Variants in HAPLN2 observed in about 807,000 individuals in gnomAD.
HAPLN2 encodes hyaluronan and proteoglycan link protein 2, also known as brain link protein-1.
Under a neutral mutation model 29.3 loss-of-function variants are expected in HAPLN2, and 27 were observed. That is an observed-to-expected ratio of 0.92 (90% CI 0.68 to 1.27). The LOEUF (loss-of-function observed/expected upper bound fraction) is 1.27, where lower values mean the gene tolerates loss of function less well. HAPLN2 is among the 50% of genes most tolerant of loss of function. HAPLN2 has a pLI of 0.00. For synonymous variants in HAPLN2, 208 were observed against 211.7 expected (o/e 0.98, Z 0.15); for missense variants, 454 against 484.3 (o/e 0.94, Z 0.59).
the HAPLN2 span, chr1:156,601,514 G>C: frequency 6.5e-7 from 1 of 1,542,060 alleles, no homozygotes; most frequent in African/African-American, 1.4e-5. Context: ...CGAAACCATA[G>C]AGACGTCCGC....
At chr1:156,604,304 C>CTT in the HAPLN2 span, among the ~76,000 whole-genome samples, 2 of 79,532 alleles carry the variant, frequency 2.5e-5, no homozygotes, top group African/African-American at 4.4e-5. Flanking sequence ...TTTTTTTTTT[C>CTT]TTTTTTTTTT....
intron 3 of HAPLN2, 77 bp from the exon 4 acceptor site, chr1:156,623,730 T>C: frequency 6.8e-7 from 1 of 1,481,420 alleles, no homozygotes; most frequent in Non-Finnish European, 9.0e-7. Flanking sequence ...GGAGAAAGCA[T>C]TTGGGGAGCA....
At chr1:156,604,919 C>CTTT in the HAPLN2 span, among the ~76,000 whole-genome samples, 1 of 139,730 alleles carries the variant, frequency 7.2e-6, no homozygotes, top group Admixed American at 7.1e-5. Context: ...TCCCAGCTGG[C>CTTT]TTTTTTTTTT....
chr1:156,621,869 A>AT (rs1557975036), intron 2 of HAPLN2, among the ~76,000 whole-genome samples: 1 of 150,802 alleles, frequency 6.6e-6, no homozygotes, highest in African/African-American at 2.4e-5. Flanking sequence ...TGATTAAAAA[A>AT]TTTTTTTTAC....
At position 156,625,157 on chromosome 1, in the gene HAPLN2, C is replaced by G; in HGVS notation, c.796C>G (p.Arg266Gly). The G allele has an allele frequency of 6.5e-7, 1 of 1,543,842 alleles. No individual in the cohort carries two copies. The highest frequency in any genetic ancestry group is 8.7e-7 in the Non-Finnish European group (1 of 1,146,736). The change falls in exon 7 of 7, where the codon CGG becomes GGG. Residue 266 changes from arginine to glycine, a missense_variant. By Grantham distance (125) the Arg-to-Gly change is moderately radical. Around this residue, in one of 3 missense-constraint regions of HAPLN2, gnomAD observed 235 missense variants for 236.9 expected, o/e 0.99. Transcript: ENST00000255039. The surrounding 1 kb of genome is among the most constrained non-coding windows in gnomAD (Gnocchi z 5.7). ...LTLSEAHAACRRRGAVVAKVG... is the reference protein window; with the variant it reads ...LTLSEAHAACGRRGAVVAKVG... ...GCTGTCTGAAGCCCACGCGGCGTGC[C>G]GGCGACGCGGCGCCGTGGTGGCCAA...
chr1:156,606,026 G>A, the HAPLN2 span, among the ~76,000 whole-genome samples: 1 of 152,170 alleles, frequency 6.6e-6, no homozygotes, highest in African/African-American at 2.4e-5. Context: ...GCTCACGCCT[G>A]TAATCCTAAC....
At position 156,625,161 on chromosome 1, in the gene HAPLN2, G is replaced by A; in HGVS notation, c.800G>A (p.Arg267Gln). 6.5e-7 allele frequency: 1 copy of A among 1,544,448 alleles called. No individual in the cohort carries two copies. Among genetic ancestry groups the A allele is most frequent in the Non-Finnish European group, 8.7e-7 (1 of 1,146,830 alleles). ...TCTGAAGCCCACGCGGCGTGCCGGC[G>A]ACGCGGCGCCGTGGTGGCCAAGGTT... ...TLSEAHAACR[R>Q]RGAVVAKVGH... Residue 267 changes from arginine to glutamine, a missense_variant, in exon 7 of 7, where the codon CGA becomes CAA. By Grantham distance (43) the Arg-to-Gln change is conservative. Around this residue, in one of 3 missense-constraint regions of HAPLN2, gnomAD observed 235 missense variants for 236.9 expected, o/e 0.99. Transcript: ENST00000255039. The surrounding 1 kb of genome is among the most constrained non-coding windows in gnomAD (Gnocchi z 5.7).
chr1:156,603,548 T>C, the HAPLN2 span, among the ~76,000 whole-genome samples: 1 of 152,246 alleles, frequency 6.6e-6, no homozygotes, highest in South Asian at 2.1e-4. Flanking sequence ...TATACAGGTA[T>C]ATATATGAAA....
chr1:156,606,784 A>G, the HAPLN2 span, among the ~76,000 whole-genome samples: 1 of 152,094 alleles, frequency 6.6e-6, no homozygotes, highest in South Asian at 2.1e-4. Flanking sequence ...CGCCCAGCCT[A>G]AGCCCCCTTC....
intron 2 of HAPLN2, among the ~76,000 whole-genome samples, chr1:156,621,594 C>T (rs1223341041): frequency 3.3e-5 from 5 of 151,640 alleles, no homozygotes; most frequent in Admixed American, 1.3e-4. Flanking sequence ...AAAATTAGCC[C>T]GGAGTGGTGG....
At chr1:156,604,056 C>T in the HAPLN2 span, among the ~76,000 whole-genome samples, 1 of 151,984 alleles carries the variant, frequency 6.6e-6, no homozygotes, top group African/African-American at 2.4e-5. Flanking sequence ...CTCATACCTC[C>T]TCACAAGGGT....
intron 2 of HAPLN2, among the ~76,000 whole-genome samples, chr1:156,620,542 T>C (rs1208840773): frequency 6.6e-6 from 1 of 152,236 alleles, no homozygotes; most frequent in Non-Finnish European, 1.5e-5. Context: ...TTCTTACTTA[T>C]CAAGTTCTCC....
At chr1:156,606,188 C>T in the HAPLN2 span, among the ~76,000 whole-genome samples, 4 of 151,934 alleles carry the variant, frequency 2.6e-5, no homozygotes, top group Admixed American at 6.6e-5. Flanking sequence ...CGCTTGAACC[C>T]GGGAGGCGGA....
chr1:156,618,521 T>C (rs1420386996), upstream of HAPLN2, among the ~76,000 whole-genome samples: 5 of 151,940 alleles, frequency 3.3e-5, no homozygotes, highest in African/African-American at 1.2e-4. Context: ...GGCTCACGCC[T>C]GTAATCCCAG....
At chr1:156,606,084 G>A in the HAPLN2 span, among the ~76,000 whole-genome samples, 1 of 152,138 alleles carries the variant, frequency 6.6e-6, no homozygotes, top group African/African-American at 2.4e-5. Context: ...AGGAGTTCGA[G>A]ACCAGCCTGG....
chr1:156,617,571 A>T (rs1678090551), upstream of HAPLN2, among the ~76,000 whole-genome samples: 1 of 149,718 alleles, frequency 6.7e-6, no homozygotes, highest in African/African-American at 2.5e-5. Flanking sequence ...CTGGTCTCGA[A>T]CTCCTGACCT....
chr1:156,624,632 G>C lies in HAPLN2; in HGVS notation c.588G>C (p.Ala196=), dbSNP rs1278422983. 1 of 1,612,610 alleles carries C rather than the reference G, an allele frequency of 6.2e-7. No homozygotes were observed. The highest frequency in any genetic ancestry group is 8.5e-7 in the Non-Finnish European group (1 of 1,179,630). The change falls in exon 6 of 7, where the codon GCG becomes GCC. Residue 196 remains alanine, a synonymous_variant. Coordinates refer to ENST00000255039, the MANE Select transcript of HAPLN2 (RefSeq NM_021817.3). ...CCGAGGGTCTGGACTGGTGTAACGC[G>C]GGCTGGCTGCTCGAGGGCTCCGTGC... The part of the protein sequence containing the change: ...AWTEGLDWCN[A]GWLLEGSVRY...
the HAPLN2 span, among the ~76,000 whole-genome samples, chr1:156,606,412 G>A: frequency 7.9e-6 from 1 of 126,518 alleles, no homozygotes; most frequent in Non-Finnish European, 1.6e-5. Flanking sequence ...GTGACAGAGT[G>A]AGACTCTGTC....
chr1:156,617,090 A>AAAAGAAAGAAAG (rs71270462), upstream of HAPLN2, among the ~76,000 whole-genome samples: 11 of 148,360 alleles, frequency 7.4e-5, no homozygotes, highest in Admixed American at 2.0e-4. Context: ...ACCCTGTTTC[A>AAAAGAAAGAAAG]AAAGAAAGAA....
Sources: allele counts gnomAD v4.1 joint callset (sites outside exome capture counted in the v4.1 genomes callset), GRCh38; gene constraint gnomAD v4.1.1; regional missense constraint gnomAD v4.1.1; non-coding constraint Gnocchi (gnomAD v3.1); transcripts MANE v1.5; gene names NCBI Gene and HGNC (gene_info 2026-07-23, HGNC 2026-07-21).